The following ZFAT variants were observed in gnomAD, a reference collection of about 807,000 sequenced individuals.
The protein encoded by ZFAT is zinc finger protein ZFAT.
ZFAT carries 64 observed loss-of-function variants against 117.7 expected under a neutral mutation model. That is an observed-to-expected ratio of 0.54 (90% CI 0.44 to 0.67). The LOEUF is 0.67. Among genes scored for constraint, ZFAT ranks in the 30% least tolerant of loss-of-function variants. The pLI, the probability that ZFAT is intolerant of heterozygous loss-of-function variation, is 0.00. For synonymous variants in ZFAT, 679 were observed against 615.0 expected, an observed-to-expected ratio of 1.10 and a Z score of -1.54; for missense variants, 1,433 against 1,584.5, an observed-to-expected ratio of 0.90 and a Z score of 1.62.
At chr8:134,672,061 C>T (rs1292986280) in intron 1 of ZFAT, among the ~76,000 whole-genome samples, 3 of 152,182 alleles carry the variant, frequency 2.0e-5, no homozygotes, top group African/African-American at 7.2e-5. Context: ...TGTGAAGGAC[C>T]TCTTCAAGGA....
rs1814080065 is a variant in ZFAT at position 134,712,918 on chromosome 8, C to T, written c.-55G>A. The T allele has an allele frequency of 1.4e-6, 2 of 1,463,462 alleles. No individual in the cohort carries two copies. Among genetic ancestry groups the T allele is most frequent in the African/African-American group, 3.0e-5 (2 of 66,824 alleles). 90.7% of individuals were successfully genotyped at this position (1,463,462 alleles called of 1,614,324 possible). On this transcript the variant is annotated 5_prime_UTR_variant, in exon 1 of 16. Coordinates refer to ENST00000377838, the MANE Select transcript of ZFAT (RefSeq NM_020863.4). ...GCCTCGGGCTCTTCCGGGCCCCCTCCCGTGCCGACCGAGGGGGCGGGGCGC... is the reference window on the plus strand; with the variant it reads ...GCCTCGGGCTCTTCCGGGCCCCCTCTCGTGCCGACCGAGGGGGCGGGGCGC...
Position 134,583,823 on chromosome 8 carries a change from T to C in ZFAT, c.2887+9A>G. 1 of 1,613,158 alleles carries C rather than the reference T, an allele frequency of 6.2e-7. No individual in the cohort carries two copies. Among genetic ancestry groups the C allele is most frequent in the Non-Finnish European group, 8.5e-7 (1 of 1,179,502 alleles). On this transcript the variant is annotated intron_variant, in intron 10 of 15. Coordinates refer to ENST00000377838, the MANE Select transcript of ZFAT (RefSeq NM_020863.4). ...AGAGGGGAAAGTTCACCTTGGGCCATTTACTCACCATCTGCAGTGTGAAGG... is the reference window on the plus strand; with the variant it reads ...AGAGGGGAAAGTTCACCTTGGGCCACTTACTCACCATCTGCAGTGTGAAGG...
Position 134,499,969 on chromosome 8 carries a change from C to A in ZFAT, c.3492+9650G>T, listed in dbSNP as rs28676308. ...GAGTTCTTGTTTCCGGGAATCCCTC[C>A]GGCCAGGATGGAGACTACTGTTCTG... On this transcript the variant is annotated intron_variant, in intron 15 of 15. Coordinates refer to ENST00000377838, the MANE Select transcript of ZFAT (RefSeq NM_020863.4). 8.1e-3 allele frequency among the ~76,000 whole-genome samples: 1,236 copies of A among 152,280 alleles called. 18 individuals are homozygous for A. The highest frequency in any genetic ancestry group is 0.028 in the African/African-American group (1,155 of 41,560).
chr8:134,590,476 C>G, intron 7 of ZFAT, 121 bp from the exon 8 acceptor site: 2 of 681,214 alleles, frequency 2.9e-6, no homozygotes, highest in Non-Finnish European at 2.6e-6. Context: ...ACGCTATCAA[C>G]AGTCATCACC....
At chr8:134,707,424 T>C (rs1485616830) in intron 1 of ZFAT, among the ~76,000 whole-genome samples, 1 of 151,724 alleles carries the variant, frequency 6.6e-6, no homozygotes, top group Non-Finnish European at 1.5e-5. Context: ...ACCAGCCTAA[T>C]AGTAAAAAAA....
chr8:134,658,291 C>G (rs1831740574), intron 1 of ZFAT, among the ~76,000 whole-genome samples: 1 of 144,844 alleles, frequency 6.9e-6, no homozygotes, highest in African/African-American at 2.6e-5. Flanking sequence ...GAGCCGAGAT[C>G]ACGCCACTGC....
intron 15 of ZFAT, among the ~76,000 whole-genome samples, chr8:134,495,167 G>A (rs1818340002): frequency 2.0e-5 from 3 of 152,194 alleles, no homozygotes; most frequent in South Asian, 4.1e-4. Context: ...CACAGGTTGA[G>A]TGACTTATAA....
intron 5 of ZFAT, among the ~76,000 whole-genome samples, chr8:134,607,219 G>A (rs1827955152): frequency 6.6e-6 from 1 of 152,100 alleles, no homozygotes; most frequent in African/African-American, 2.4e-5. Context: ...AACCTGACTT[G>A]AAACACAGAA....
chr8:134,631,396 C>G (rs906986751), intron 3 of ZFAT, among the ~76,000 whole-genome samples: 1 of 152,152 alleles, frequency 6.6e-6, no homozygotes, highest in African/African-American at 2.4e-5. Flanking sequence ...AAGGCACAGA[C>G]GTGATAGAGC....
At chr8:134,733,094 CACTCA>C in the ZFAT span, among the ~76,000 whole-genome samples, 2 of 152,148 alleles carry the variant, frequency 1.3e-5, no homozygotes, top group Admixed American at 6.6e-5. Flanking sequence ...CTATACTTTA[CACTCA>C]ATTTTTCTGT....
At chr8:134,684,559 T>A (rs1833227596) in intron 1 of ZFAT, among the ~76,000 whole-genome samples, 1 of 152,164 alleles carries the variant, frequency 6.6e-6, no homozygotes, top group Non-Finnish European at 1.5e-5. Flanking sequence ...GCTGCTGGGT[T>A]CCTGGTATTT....
chr8:134,782,238 C>A, the ZFAT span, among the ~76,000 whole-genome samples: 10 of 152,214 alleles, frequency 6.6e-5, no homozygotes, highest in East Asian at 1.5e-3. Context: ...TGTAATCTCT[C>A]AATGTTCTTC....
the ZFAT span, among the ~76,000 whole-genome samples, chr8:134,772,044 C>T: frequency 6.6e-6 from 1 of 152,170 alleles, no homozygotes; most frequent in African/African-American, 2.4e-5. Flanking sequence ...CATCAGGTCC[C>T]TCCCACAACA....
chr8:134,783,252 C>T, the ZFAT span, among the ~76,000 whole-genome samples: 31 of 152,112 alleles, frequency 2.0e-4, no homozygotes, highest in African/African-American at 7.0e-4. Flanking sequence ...GGGTCCCCAT[C>T]CCCTGGGCCG....
chr8:134,565,430 A>T lies in ZFAT; in HGVS notation c.2888-9T>A. ...GCACTTAAACTGCTTCCCTGGAAAGAAGCGGAGGACAAGATGAGCGTCGCC... is the reference window on the plus strand; with the variant it reads ...GCACTTAAACTGCTTCCCTGGAAAGTAGCGGAGGACAAGATGAGCGTCGCC... On this transcript the variant is annotated splice_polypyrimidine_tract_variant and intron_variant, in intron 10 of 15. Coordinates refer to ENST00000377838, the MANE Select transcript of ZFAT (RefSeq NM_020863.4). 1 of 1,611,678 alleles carries T rather than the reference A, an allele frequency of 6.2e-7. No homozygotes were observed. Among genetic ancestry groups the T allele is most frequent in the Non-Finnish European group, 8.5e-7 (1 of 1,179,354 alleles).
chr8:134,760,277 A>AC, the ZFAT span, among the ~76,000 whole-genome samples: 38 of 127,570 alleles, frequency 3.0e-4, 2 homozygotes, highest in East Asian at 7.0e-4. Context: ...CAAAAAGAAA[A>AC]AAAAAAAAAA....
intron 11 of ZFAT, among the ~76,000 whole-genome samples, chr8:134,559,232 C>T (rs1823880884): frequency 6.6e-6 from 1 of 152,220 alleles, no homozygotes; most frequent in African/African-American, 2.4e-5. Flanking sequence ...CACCCACCTG[C>T]AACAGGTTAT....
chr8:134,481,972 C>A (rs1490910828), intron 15 of ZFAT, among the ~76,000 whole-genome samples: 2 of 152,162 alleles, frequency 1.3e-5, no homozygotes, highest in Non-Finnish European at 2.9e-5. Context: ...ACCCACTGGG[C>A]AGAGTCCCAT....
rs904205016 is a variant in ZFAT at position 134,619,077 on chromosome 8, T to C, written c.449-8422A>G. Among the ~76,000 whole-genome samples the C allele has an allele frequency of 2.0e-5, 3 of 152,094 alleles. 1 individual carries two copies. The highest frequency in any genetic ancestry group is 1.9e-4 in the East Asian group (1 of 5,190). ...CAGATGCTCCTCAACTTATGATGAG[T>C]TACATTCCAATAAACCCATCCTAAG... On this transcript the variant is annotated intron_variant, in intron 3 of 15. Coordinates refer to ENST00000377838, the MANE Select transcript of ZFAT (RefSeq NM_020863.4).
Sources: allele counts gnomAD v4.1 joint callset (sites outside exome capture counted in the v4.1 genomes callset), GRCh38; gene constraint gnomAD v4.1.1; transcripts MANE v1.5; gene names NCBI Gene and HGNC (gene_info 2026-07-23, HGNC 2026-07-21).